Variants in MYOM3 observed in about 807,000 individuals in gnomAD.
The protein encoded by MYOM3 is myomesin 3.
A neutral mutation model predicts 191.7 loss-of-function variants in MYOM3; 155 were observed. That is an observed-to-expected ratio of 0.81 (90% confidence interval 0.71 to 0.92). MYOM3 has a LOEUF of 0.92. Ranked by LOEUF, MYOM3 falls within the 40% of genes least tolerant of loss-of-function variation. The probability of loss-of-function intolerance (pLI) is 0.00; values close to 1 mark genes in which losing one functional copy is unlikely to be tolerated. For synonymous variants in MYOM3, 757 were observed against 762.9 expected (o/e 0.99, Z 0.13); for missense variants, 1,889 against 1,890.6 (o/e 1.00, Z 0.02).
chr1:24,094,428 G>A (rs888420454), intron 9 of MYOM3, among the ~76,000 whole-genome samples: 1 of 151,996 alleles, frequency 6.6e-6, no homozygotes, highest in Non-Finnish European at 1.5e-5. Context: ...CAGCCTCCCA[G>A]AGTGCTAGGA....
chr1:24,095,538 T>C (rs979542361), intron 7 of MYOM3, 52 bp from the exon 8 acceptor site: 1 of 1,540,886 alleles, frequency 6.5e-7, no homozygotes, highest in Non-Finnish European at 8.9e-7. Flanking sequence ...CCCACATTCC[T>C]ATGCTATTTT....
At position 24,076,507 on chromosome 1, in the gene MYOM3, CTTTTTTTTTTTT is replaced by C. The variant is rs558326490; in HGVS notation, c.2587-246_2587-235del. Among the ~76,000 whole-genome samples the C allele has an allele frequency of 6.1e-5, 3 of 49,106 alleles. 1 individual carries two copies. Among genetic ancestry groups the C allele is most frequent in the Non-Finnish European group, 1.1e-4 (3 of 26,514 alleles). 32.2% of individuals were successfully genotyped at this position (49,106 alleles called of 152,430 possible). ...CATCTGTTTTATTTCCCTAATGTTT[CTTTTTTTTTTTT>C]TTTTTTTTTTTTGAGACGGAGTCTC... On this transcript the variant is annotated intron_variant, in intron 20 of 36. Coordinates refer to ENST00000374434, the MANE Select transcript of MYOM3 (RefSeq NM_152372.4).
intron 15 of MYOM3, among the ~76,000 whole-genome samples, chr1:24,086,260 G>T (rs912846392): frequency 2.6e-5 from 4 of 152,076 alleles, no homozygotes; most frequent in Admixed American, 2.6e-4. Context: ...GGCTCAGGTG[G>T]GACAGCTCAA....
chr1:24,071,854 C>T, intron 24 of MYOM3, 115 bp downstream of exon 24: 1 of 1,071,672 alleles, frequency 9.3e-7, no homozygotes, highest in Admixed American at 1.7e-5. Context: ...ATTCTCCCAC[C>T]CTCTGTCCCT....
Position 24,108,591 on chromosome 1 carries a change from G to A in MYOM3, c.46C>T (p.Pro16Ser). Residue 16 changes from proline (P) to serine (S), a missense_variant, in exon 2 of 37, where the codon CCC (proline) becomes TCC (serine). Transcript: ENST00000374434. Reference sequence around the variant, plus strand: ...AGCCTGTGAACCTCCATGGCCTGGGGGGGCCGGGGGTCCCCCGCACCTCCC... The same window carrying A: ...AGCCTGTGAACCTCCATGGCCTGGGAGGGCCGGGGGTCCCCCGCACCTCCC... Reference protein sequence around the residue: ...SLGGAGDPRPPQAMEVHRLEH... With the variant: ...SLGGAGDPRPSQAMEVHRLEH... The A allele has an allele frequency of 6.4e-7, 1 of 1,569,046 alleles. No individual in the cohort carries two copies. Among genetic ancestry groups the A allele is most frequent in the Non-Finnish European group, 8.6e-7 (1 of 1,159,090 alleles).
chr1:24,088,723 C>T (rs972714168), intron 14 of MYOM3, among the ~76,000 whole-genome samples: 2 of 152,172 alleles, frequency 1.3e-5, no homozygotes, highest in African/African-American at 4.8e-5. Flanking sequence ...TAGTTTGTGC[C>T]AGGCATTGTG....
chr1:24,077,071 C>T (rs535685423), intron 20 of MYOM3, among the ~76,000 whole-genome samples: 6 of 152,146 alleles, frequency 3.9e-5, no homozygotes, highest in Non-Finnish European at 5.9e-5. Context: ...ATCCACCCCC[C>T]CTTGGCCGCC....
intron 5 of MYOM3, among the ~76,000 whole-genome samples, chr1:24,103,222 C>T (rs1000120884): frequency 6.6e-6 from 1 of 152,234 alleles, no homozygotes; most frequent in South Asian, 2.1e-4. Context: ...GAGTTGCTAA[C>T]CTCCACTTGG....
chr1:24,105,341 G>A (rs1484604836), intron 5 of MYOM3, among the ~76,000 whole-genome samples: 1 of 152,242 alleles, frequency 6.6e-6, no homozygotes, highest in Non-Finnish European at 1.5e-5. Flanking sequence ...GGCAGAAAGC[G>A]AGGCTGGGAA....
intron 10 of MYOM3, 93 bp downstream of exon 10, chr1:24,092,854 G>A: frequency 7.9e-7 from 1 of 1,262,400 alleles, no homozygotes; most frequent in Non-Finnish European, 1.0e-6. Context: ...CCCCAAGAGA[G>A]CAGGGTCCTT....
At chr1:24,107,922 C>T in intron 3 of MYOM3, 71 bp downstream of exon 3, 1 of 1,341,976 alleles carries the variant, frequency 7.5e-7, no homozygotes, top group Non-Finnish European at 1.0e-6. Flanking sequence ...GAAAGGCCAG[C>T]AGGGAGGCCG....
At chr1:24,094,787 T>C (rs779635815) in intron 9 of MYOM3, 66 bp downstream of exon 9, 7 of 1,506,086 alleles carry the variant, frequency 4.6e-6, no homozygotes, top group Non-Finnish European at 6.3e-6. Context: ...GGGTCCTCTC[T>C]GGCTCTGAGT....
intron 2 of MYOM3, 88 bp downstream of exon 2, chr1:24,108,388 C>T: frequency 7.4e-7 from 1 of 1,348,328 alleles, no homozygotes; most frequent in Non-Finnish European, 9.8e-7. Flanking sequence ...CAGGTTGGAG[C>T]CTCCAGAGGG....
chr1:24,104,334 C>A lies in MYOM3; in HGVS notation c.560+1586G>T, dbSNP rs887764535. Among the ~76,000 whole-genome samples the A allele has an allele frequency of 5.9e-5, 9 of 152,340 alleles. No homozygotes were observed. The South Asian group carries it at 1.7e-3, about 28-fold the overall frequency. On this transcript the variant is annotated intron_variant, in intron 5 of 36. Transcript: ENST00000374434. ...CTCTTCTGAGAAGCCTTCCTGGATT[C>A]TATGGGCTGAGGTAGCTCCTTCTTC...
rs776202755 is a variant in MYOM3 at position 24,092,183 on chromosome 1, G to T, written c.1223C>A (p.Thr408Asn). 1 of 1,464,772 alleles carries T rather than the reference G, an allele frequency of 6.8e-7. No homozygotes were observed. Among genetic ancestry groups the T allele is most frequent in the Admixed American group, 2.4e-5 (1 of 42,362 alleles). 90.7% of individuals were successfully genotyped at this position (1,464,772 alleles called of 1,614,324 possible). ...DTRGNPITAY[T>N]IERCQGESGE... ...CACGAGGTCGACTCACCGCTCAATG[G>T]TGTAGGCAGTGATGGGGTTGCCCCG... is the stretch of plus-strand genomic sequence containing the variant. Residue 408 changes from threonine to asparagine, a missense_variant, in exon 11 of 37, where the codon ACC becomes AAC. Coordinates refer to ENST00000374434, the MANE Select transcript of MYOM3 (RefSeq NM_152372.4).
chr1:24,057,276 T>C lies in MYOM3; in HGVS notation c.*88A>G. 2.2e-6 allele frequency: 3 copies of C among 1,362,512 alleles called. No individual in the cohort carries two copies. The highest frequency in any genetic ancestry group is 3.1e-6 in the Non-Finnish European group (3 of 981,284). The allele number at this position is 1,362,512 out of a possible 1,614,324, so 84.4% of individuals were successfully genotyped here. On this transcript the variant is annotated 3_prime_UTR_variant, in exon 37 of 37. Transcript: ENST00000374434. ...GTCCCCTTTCCTTCTGCCCCACCCCTGTAGCCTGTGCCAGGCTGTGACCCT... is the reference window on the plus strand; with the variant it reads ...GTCCCCTTTCCTTCTGCCCCACCCCCGTAGCCTGTGCCAGGCTGTGACCCT...
intron 33 of MYOM3, among the ~76,000 whole-genome samples, 184 bp from the exon 34 acceptor site, chr1:24,061,493 G>T (rs913093573): frequency 6.6e-6 from 1 of 152,058 alleles, no homozygotes; most frequent in African/African-American, 2.4e-5. Context: ...AAGACCATGG[G>T]ATTTTCTTTT....
At chr1:24,094,215 A>G (rs1570880775) in intron 9 of MYOM3, among the ~76,000 whole-genome samples, 1 of 125,458 alleles carries the variant, frequency 8.0e-6, no homozygotes, top group Non-Finnish European at 1.6e-5. Context: ...CTTGTCCCCC[A>G]GGCTGGAGTG....
At chr1:24,090,736 G>A in intron 12 of MYOM3, 61 bp downstream of exon 12, 1 of 1,550,550 alleles carries the variant, frequency 6.4e-7, no homozygotes, top group Non-Finnish European at 8.9e-7. Flanking sequence ...TCCTGTGTGA[G>A]ACAGTCCTGA....
Sources: allele counts gnomAD v4.1 joint callset (sites outside exome capture counted in the v4.1 genomes callset), GRCh38; gene constraint gnomAD v4.1.1; transcripts MANE v1.5; gene names NCBI Gene and HGNC (gene_info 2026-07-23, HGNC 2026-07-21).